DYSF: variants seen among roughly 807,000 people sequenced by gnomAD.
DYSF encodes dystrophy-associated fer-1-like 1.
Under a neutral mutation model 274.9 loss-of-function variants are expected in DYSF, and 212 were observed. The ratio of observed to expected loss-of-function variants is 0.77; its 90% CI spans 0.69 to 0.86. The LOEUF is 0.86. DYSF is among the 40% of genes least tolerant of loss of function. The pLI, the probability that DYSF is intolerant of heterozygous loss-of-function variation, is 0.00. For missense variants in DYSF, 2,666 were observed against 2,783.2 expected, an observed-to-expected ratio of 0.96 and a Z score of 0.95; for synonymous variants, 1,091 against 1,078.7, an observed-to-expected ratio of 1.01 and a Z score of -0.22.
upstream of DYSF, among the ~76,000 whole-genome samples, chr2:71,462,856 G>T (rs1029536888): frequency 6.6e-6 from 1 of 152,234 alleles, no homozygotes; most frequent in Non-Finnish European, 1.5e-5. Flanking sequence ...GTCTAGCTGA[G>T]TCCTGGGATT....
intron 40 of DYSF, among the ~76,000 whole-genome samples, chr2:71,616,911 AGTT>A (rs750062337): frequency 1.4e-4 from 21 of 151,702 alleles, no homozygotes; most frequent in African/African-American, 2.4e-4. Context: ...TTTGTTCACT[AGTT>A]GTTGTTGTTT....
chr2:71,518,974 T>G (rs758984747), intron 10 of DYSF, among the ~76,000 whole-genome samples: 2 of 151,378 alleles, frequency 1.3e-5, no homozygotes, highest in Non-Finnish European at 2.9e-5. Flanking sequence ...GCGCCTGTAA[T>G]CCCAGCTACT....
chr2:71,491,326 T>A (rs1247926856), intron 3 of DYSF, among the ~76,000 whole-genome samples: 1 of 152,350 alleles, frequency 6.6e-6, no homozygotes, highest in African/African-American at 2.4e-5. Flanking sequence ...GTATAAAACT[T>A]TTTTCTCTCT....
chr2:71,470,312 G>A (rs1558934636), intron 1 of DYSF, among the ~76,000 whole-genome samples: 1 of 152,168 alleles, frequency 6.6e-6, no homozygotes, highest in Non-Finnish European at 1.5e-5. Context: ...ACCTATGTAG[G>A]GAAAGTGGGC....
intron 30 of DYSF, among the ~76,000 whole-genome samples, chr2:71,585,533 C>T (rs2093036635): frequency 6.6e-6 from 1 of 152,128 alleles, no homozygotes; most frequent in South Asian, 2.1e-4. Context: ...GAGAGAAATT[C>T]CCCAAGCTTG....
intron 48 of DYSF, among the ~76,000 whole-genome samples, chr2:71,668,228 C>G (rs1464028044): frequency 6.6e-6 from 1 of 152,166 alleles, no homozygotes; most frequent in East Asian, 1.9e-4. Context: ...ACCGGCCTCC[C>G]CAAAGTGGCA....
chr2:71,665,362 C>T, intron 47 of DYSF, 58 bp downstream of exon 47: 3 of 1,609,860 alleles, frequency 1.9e-6, no homozygotes, highest in Non-Finnish European at 2.5e-6. Flanking sequence ...CTCCCTCTCT[C>T]ATCAGACCCT....
intron 30 of DYSF, among the ~76,000 whole-genome samples, chr2:71,574,836 C>A (rs1574101481): frequency 6.6e-6 from 1 of 152,160 alleles, no homozygotes; most frequent in African/African-American, 2.4e-5. Context: ...AAGCTGAGCC[C>A]CAGGATGACT....
intron 53 of DYSF, 45 bp downstream of exon 53, chr2:71,679,280 T>G (rs1383067581): frequency 6.3e-7 from 1 of 1,584,804 alleles, no homozygotes; most frequent in South Asian, 1.1e-5. Context: ...TGGGGGAAGC[T>G]TCTTCCATAG....
chr2:71,570,955 A>T (rs1015667634), intron 29 of DYSF: 2 of 647,122 alleles, frequency 3.1e-6, no homozygotes, highest in African/African-American at 3.9e-5. Flanking sequence ...CCCAAAGATC[A>T]CACCCAGCAT....
intron 2 of DYSF, among the ~76,000 whole-genome samples, 197 bp downstream of exon 2, chr2:71,481,135 A>G (rs988992412): frequency 6.6e-6 from 1 of 152,182 alleles, no homozygotes; most frequent in Non-Finnish European, 1.5e-5. Flanking sequence ...CCTACTAGGT[A>G]AATGGAGGGG....
intron 30 of DYSF, chr2:71,576,396 G>A (rs944602077): frequency 5.9e-5 from 9 of 152,500 alleles, no homozygotes; most frequent in African/African-American, 2.2e-4. Flanking sequence ...GGGAGGCAGA[G>A]CCTCCCATCA....
At chr2:71,648,064 G>T (rs1309312577) in intron 42 of DYSF, among the ~76,000 whole-genome samples, 1 of 152,222 alleles carries the variant, frequency 6.6e-6, no homozygotes, top group East Asian at 1.9e-4. Flanking sequence ...AGCTCATTTA[G>T]TGAGAAATAA....
At chr2:71,460,091 A>G (rs2081224089) in intron 1 of DYSF, among the ~76,000 whole-genome samples, 1 of 152,192 alleles carries the variant, frequency 6.6e-6, no homozygotes, top group African/African-American at 2.4e-5. Flanking sequence ...TAACATTGGT[A>G]TAAGCATGAT....
chr2:71,560,417 G>GCCCCAGCACAGGGCTCCGGCCCAGGCCC (rs56170138), intron 22 of DYSF, among the ~76,000 whole-genome samples: 21 of 138,780 alleles, frequency 1.5e-4, no homozygotes, highest in Admixed American at 4.2e-4. Context: ...TCCCAGGCAG[G>GCCCCAGCACAGGGCTCCGGCCCAGGCCC]CCCCCGCCCC....
intron 1 of DYSF, among the ~76,000 whole-genome samples, chr2:71,458,509 C>A (rs906958454): frequency 6.6e-6 from 1 of 152,214 alleles, no homozygotes; most frequent in Non-Finnish European, 1.5e-5. Flanking sequence ...GCAGTCCCTT[C>A]TGAGGCGAAG....
chr2:71,610,317 C>T (rs2093727707), intron 36 of DYSF, among the ~76,000 whole-genome samples: 3 of 152,212 alleles, frequency 2.0e-5, no homozygotes, highest in Non-Finnish European at 4.4e-5. Context: ...AACCCTCACC[C>T]TAACCTTTAG....
At chr2:71,492,788 G>T (rs191118315) in intron 3 of DYSF, among the ~76,000 whole-genome samples, 79 of 140,716 alleles carry the variant, frequency 5.6e-4, no homozygotes, top group Non-Finnish European at 6.2e-4. Flanking sequence ...TATTCATCAC[G>T]GTCTTTGACT....
At chr2:71,682,280 G>A (rs560207504) in intron 54 of DYSF, among the ~76,000 whole-genome samples, 3 of 152,210 alleles carry the variant, frequency 2.0e-5, no homozygotes, top group South Asian at 2.1e-4. Context: ...GAGAAACTGG[G>A]CCACTGAGGA....
Sources: gnomAD v4.1 joint callset for allele counts (sites outside exome capture counted in the v4.1 genomes callset) on GRCh38, gnomAD v4.1.1 for gene constraint, MANE v1.5 for transcripts, NCBI Gene and HGNC (gene_info 2026-07-23, HGNC 2026-07-21) for gene names.